Variants in LMO7 observed in about 807,000 individuals in gnomAD.
LMO7 encodes LIM domain 7, also known as LIM domain only protein 7.
In LMO7, 120 loss-of-function variants were observed where a neutral mutation model predicts 206.5. The ratio of observed to expected loss-of-function variants is 0.58; its 90% CI spans 0.50 to 0.68. LMO7 has a LOEUF of 0.68. Among genes scored for constraint, LMO7 ranks in the 30% least tolerant of loss-of-function variants. The pLI is 0.00. For synonymous variants in LMO7, 706 were observed against 681.5 expected (o/e 1.04, Z -0.56); for missense variants, 1,959 against 1,957.9 (o/e 1.00, Z -0.01).
intron 6 of LMO7, among the ~76,000 whole-genome samples, chr13:75,799,856 T>C (rs1006497032): frequency 5.9e-5 from 9 of 152,342 alleles, no homozygotes; most frequent in Middle Eastern, 3.4e-3. Flanking sequence ...AGCCAGGTTA[T>C]ATTTTGTCAC....
chr13:75,777,341 T>C (rs1027680010), intron 4 of LMO7, among the ~76,000 whole-genome samples: 1 of 152,242 alleles, frequency 6.6e-6, no homozygotes, highest in African/African-American at 2.4e-5. Context: ...CAGAATATGT[T>C]CATGCTATTC....
In LMO7 at chr13:75,649,711, T is replaced by G. The variant is rs2037379407; in HGVS notation, c.69+12985T>G. Among the ~76,000 whole-genome samples, 3 of 152,220 alleles carry G rather than the reference T, an allele frequency of 2.0e-5. No homozygotes were observed. The South Asian group carries it at 6.2e-4, about 31-fold the overall frequency. On this transcript the variant is annotated intron_variant, in intron 1 of 30. Coordinates refer to ENST00000377534, the MANE Select transcript of LMO7 (RefSeq NM_001306080.2). Reference sequence around the variant, plus strand: ...TTGTATTTACAAAATCATTCCCTACTGTCAGCTTACCTACCTTCTTGGATA... The same window carrying G: ...TTGTATTTACAAAATCATTCCCTACGGTCAGCTTACCTACCTTCTTGGATA...
intron 4 of LMO7, among the ~76,000 whole-genome samples, chr13:75,767,200 A>G (rs1426085259): frequency 1.3e-5 from 2 of 152,116 alleles, no homozygotes; most frequent in African/African-American, 4.8e-5. Context: ...AAATGTTAAG[A>G]ATGCTTAACT....
chr13:75,636,271 TGGGCCGGGGC>T, upstream of LMO7: 1 of 477,682 alleles, frequency 2.1e-6, no homozygotes, highest in East Asian at 2.6e-4. Flanking sequence ...GGCGGTGGGG[TGGGCCGGGGC>T]GGGGCCACCG....
intron 3 of LMO7, among the ~76,000 whole-genome samples, chr13:75,747,501 C>A (rs532949553): frequency 6.6e-6 from 1 of 152,308 alleles, no homozygotes; most frequent in East Asian, 1.9e-4. Flanking sequence ...TAGAAACTGC[C>A]AATCACATTT....
At chr13:75,834,171 A>G (rs2058929245) in intron 16 of LMO7, 55 bp from the exon 17 acceptor site, 1 of 1,357,246 alleles carries the variant, frequency 7.4e-7, no homozygotes, top group Admixed American at 2.1e-5. Flanking sequence ...AGCAGCAACT[A>G]ATAGAACATG....
rs922141728 is a variant in LMO7, at chr13:75,858,085, T to C, written c.*142T>C. 2.6e-5 allele frequency: 22 copies of C among 839,782 alleles called. No homozygotes were observed. The highest frequency in any genetic ancestry group is 5.0e-4 in the Middle Eastern group (2 of 4,038). The allele number at this position is 839,782 out of a possible 1,614,324, so 52.0% of individuals were successfully genotyped here. ...ACTTTTTTTGCCTCTTTAGATTACA[T>C]AGAAGCATTGTAGTCTTGGTAGAAC... On this transcript the variant is annotated 3_prime_UTR_variant, in exon 31 of 31. Transcript: ENST00000377534.
chr13:75,636,156 G>T (rs945683766), upstream of LMO7: 14 of 297,804 alleles, frequency 4.7e-5, no homozygotes, highest in African/African-American at 3.2e-4. Context: ...GCGGACTGTG[G>T]CATCTCCCGG....
At chr13:75,698,631 G>T (rs1357624071) in intron 1 of LMO7, among the ~76,000 whole-genome samples, 1 of 150,112 alleles carries the variant, frequency 6.7e-6, no homozygotes, top group Non-Finnish European at 1.5e-5. Context: ...GGGAGGGGTA[G>T]GCATTTAGAG....
intron 1 of LMO7, among the ~76,000 whole-genome samples, chr13:75,640,263 TCTG>T (rs1471450243): frequency 1.9e-5 from 1 of 52,748 alleles, no homozygotes; most frequent in Non-Finnish European, 4.1e-5. Context: ...TGGCCTGGGC[TCTG>T]CTATTTAAAT....
intron 4 of LMO7, among the ~76,000 whole-genome samples, chr13:75,794,220 T>C (rs1175632713): frequency 6.6e-6 from 1 of 152,244 alleles, no homozygotes; most frequent in East Asian, 1.9e-4. Flanking sequence ...TTAGCTTGAA[T>C]AGATATTACC....
intron 27 of LMO7, among the ~76,000 whole-genome samples, chr13:75,850,585 G>A (rs1310281073): frequency 6.6e-6 from 1 of 152,188 alleles, no homozygotes; most frequent in Admixed American, 6.5e-5. Flanking sequence ...TGAAAGAAAA[G>A]TGTTGCTACA....
Position 75,737,854 on chromosome 13 carries a change from A to AC in LMO7, c.210+10756_210+10757insC, listed in dbSNP as rs1437671471. 3.4e-5 allele frequency among the ~76,000 whole-genome samples: 5 copies of AC among 145,708 alleles called. No individual in the cohort carries two copies. The Middle Eastern group carries it at 0.01, about 301-fold the overall frequency. ...CACAGGAAGCTGCCAAAAAAAAAAA[A>AC]AAAAAAAAAACACAGTACAAAAATG... On this transcript the variant is annotated intron_variant, in intron 3 of 30. Coordinates refer to ENST00000377534, the MANE Select transcript of LMO7 (RefSeq NM_001306080.2).
At chr13:75,720,516 G>A (rs1445829113) in intron 2 of LMO7, among the ~76,000 whole-genome samples, 1 of 152,142 alleles carries the variant, frequency 6.6e-6, no homozygotes, top group African/African-American at 2.4e-5. Flanking sequence ...TGAGAAGGGT[G>A]TAAGGTCTGT....
chr13:75,735,584 C>T (rs973419948), intron 3 of LMO7, among the ~76,000 whole-genome samples: 1 of 151,774 alleles, frequency 6.6e-6, no homozygotes, highest in Non-Finnish European at 1.5e-5. Flanking sequence ...GCCTCAGCTT[C>T]CTGAGTAGCT....
At chr13:75,843,384 C>T (rs578101493) in intron 25 of LMO7, among the ~76,000 whole-genome samples, 1 of 152,266 alleles carries the variant, frequency 6.6e-6, no homozygotes, top group African/African-American at 2.4e-5. Flanking sequence ...TCTAAAGTCA[C>T]AGTCACAGGT....
At chr13:75,696,094 T>C (rs7999158) in intron 1 of LMO7, among the ~76,000 whole-genome samples, 75,342 of 152,088 alleles carry the variant, frequency 0.5, 20,265 homozygotes, top group African/African-American at 0.7. Flanking sequence ...CTGTGGCTCA[T>C]GCCTGTAATC....
chr13:75,652,202 C>T (rs9573604), intron 1 of LMO7, among the ~76,000 whole-genome samples: 4,475 of 151,600 alleles, frequency 0.03, 165 homozygotes, highest in African/African-American at 0.085. Flanking sequence ...CTTTTGGCTT[C>T]GGTCTCTTTT....
chr13:75,855,141 A>G (rs1005834184), intron 28 of LMO7, 119 bp from the exon 29 acceptor site: 3 of 577,114 alleles, frequency 5.2e-6, no homozygotes, highest in South Asian at 2.8e-5. Flanking sequence ...TCTCCCACAG[A>G]TATATGTATA....
Sources: gnomAD v4.1 joint callset for allele counts (sites outside exome capture counted in the v4.1 genomes callset) on GRCh38, gnomAD v4.1.1 for gene constraint, MANE v1.5 for transcripts, NCBI Gene and HGNC (gene_info 2026-07-23, HGNC 2026-07-21) for gene names.